Variants in RABGAP1 observed in about 807,000 individuals in gnomAD.
The protein encoded by RABGAP1 is rab GTPase-activating protein 1.
In RABGAP1, 23 loss-of-function variants were observed where a neutral mutation model predicts 137.6. That is an observed-to-expected ratio of 0.17 (90% CI 0.12 to 0.24). The LOEUF is 0.24. Among genes scored for constraint, RABGAP1 ranks in the 10% least tolerant of loss-of-function variants. The probability of loss-of-function intolerance (pLI) is 1.00; values close to 1 mark genes in which losing one functional copy is unlikely to be tolerated. For synonymous variants in RABGAP1, 451 were observed against 450.7 expected (o/e 1.00, Z -0.01); for missense variants, 906 against 1,275.8 (o/e 0.71, Z 4.42).
At chr9:123,101,508 C>T (rs1321946825) in intron 24 of RABGAP1, 58 bp from the exon 25 acceptor site, 3 of 1,504,644 alleles carry the variant, frequency 2.0e-6, no homozygotes, top group Non-Finnish European at 2.7e-6. Context: ...GATGCTCACA[C>T]CATCCTAAAG....
intron 17 of RABGAP1, 56 bp from the exon 18 acceptor site, chr9:123,076,189 G>C: frequency 6.5e-7 from 1 of 1,547,222 alleles, no homozygotes; most frequent in South Asian, 1.1e-5. Context: ...AGGACAAATA[G>C]CATAATAGTC....
intron 1 of RABGAP1, among the ~76,000 whole-genome samples, chr9:122,942,850 A>G (rs1283751967): frequency 6.6e-6 from 1 of 151,996 alleles, no homozygotes; most frequent in Non-Finnish European, 1.5e-5. Context: ...ATTCATAATT[A>G]AAGTTGAAAT....
intron 1 of RABGAP1, among the ~76,000 whole-genome samples, chr9:122,943,568 A>C (rs1222898421): frequency 6.6e-6 from 1 of 152,176 alleles, no homozygotes; most frequent in African/African-American, 2.4e-5. Flanking sequence ...TCTGCTGCAT[A>C]TTGAGAGAAC....
At chr9:123,012,541 C>A (rs1019079019) in intron 11 of RABGAP1, among the ~76,000 whole-genome samples, 1 of 152,136 alleles carries the variant, frequency 6.6e-6, no homozygotes, top group East Asian at 1.9e-4. Context: ...AGCAGACATA[C>A]CTTTTTTAAA....
the RABGAP1 span, among the ~76,000 whole-genome samples, chr9:122,932,031 T>C: frequency 6.6e-6 from 1 of 152,196 alleles, no homozygotes; most frequent in Non-Finnish European, 1.5e-5. Flanking sequence ...CGTTACCTAC[T>C]TCATGCTGAC....
At chr9:122,943,213 G>C (rs929707694) in intron 1 of RABGAP1, among the ~76,000 whole-genome samples, 8 of 151,124 alleles carry the variant, frequency 5.3e-5, no homozygotes, top group Admixed American at 5.3e-4. Flanking sequence ...GATTACAGGC[G>C]TGTGCCACCA....
intron 21 of RABGAP1, among the ~76,000 whole-genome samples, chr9:123,095,478 T>C (rs2035155199): frequency 6.6e-6 from 1 of 152,108 alleles, no homozygotes; most frequent in Non-Finnish European, 1.5e-5. Context: ...AGCAGGAAGA[T>C]TGCTTGAGCC....
At chr9:123,054,450 A>G (rs1287018637) in intron 13 of RABGAP1, among the ~76,000 whole-genome samples, 2 of 152,208 alleles carry the variant, frequency 1.3e-5, no homozygotes, top group African/African-American at 4.8e-5. Context: ...CTTTATTTTC[A>G]AGAACAGTTT....
Position 123,087,994 on chromosome 9 carries a change from G to T in RABGAP1, c.2425-1764G>T, listed in dbSNP as rs1042814048. On this transcript the variant is annotated intron_variant, in intron 19 of 25. Coordinates refer to ENST00000373647, the MANE Select transcript of RABGAP1 (RefSeq NM_012197.4). Reference sequence around the variant, plus strand: ...GGCAGATTTCCACGTCAGCACTTTAGTGCTGATTACTGAAGTTTCAGGAAG... The same window carrying T: ...GGCAGATTTCCACGTCAGCACTTTATTGCTGATTACTGAAGTTTCAGGAAG... Among the ~76,000 whole-genome samples, 19 of 152,044 alleles carry T rather than the reference G, an allele frequency of 1.2e-4. 1 individual carries two copies.
chr9:122,998,873 ATATAT>A (rs150917110), intron 10 of RABGAP1, 107 bp downstream of exon 10: 7,765 of 616,738 alleles, frequency 0.013, 75 homozygotes, highest in Non-Finnish European at 0.016. Context: ...TGTATTTTAA[ATATAT>A]TAAGAGGAAA....
At chr9:123,035,440 C>G in intron 13 of RABGAP1, 2 of 1,614,198 alleles carry the variant, frequency 1.2e-6, no homozygotes, top group South Asian at 2.2e-5. Context: ...GACCACCTGG[C>G]TTGCTATTAG....
chr9:123,066,683 C>A (rs748110938), intron 14 of RABGAP1, among the ~76,000 whole-genome samples: 4 of 152,148 alleles, frequency 2.6e-5, no homozygotes, highest in African/African-American at 4.8e-5. Context: ...CCTTCTACCC[C>A]CAAAGCTTCA....
In RABGAP1 at chr9:123,022,086, T is replaced by G. The variant is rs148060067; in HGVS notation, c.1794+1627T>G. On this transcript the variant is annotated intron_variant, in intron 13 of 25. Coordinates refer to ENST00000373647, the MANE Select transcript of RABGAP1 (RefSeq NM_012197.4). ...GATACACCTAGTTTTTATTTTCTTTTGTTGGCAAATCATATTTTGGATTTG... is the reference window on the plus strand; with the variant it reads ...GATACACCTAGTTTTTATTTTCTTTGGTTGGCAAATCATATTTTGGATTTG... 3.5e-3 allele frequency among the ~76,000 whole-genome samples: 527 copies of G among 152,380 alleles called. 1 individual carries two copies. Among genetic ancestry groups the G allele is most frequent in the Middle Eastern group, 6.8e-3 (2 of 294 alleles).
chr9:123,070,211 C>T lies in RABGAP1; in HGVS notation c.1909-139C>T. 2 of 1,436,714 alleles carry T rather than the reference C, an allele frequency of 1.4e-6. No homozygotes were observed. Among genetic ancestry groups the T allele is most frequent in the South Asian group, 3.0e-5 (2 of 66,874 alleles). The allele number at this position is 1,436,714 out of a possible 1,614,324, so 89.0% of individuals were successfully genotyped here. A position where few individuals can be genotyped will look rare whatever the true frequency, so the allele number is the denominator to read the frequency against. On this transcript the variant is annotated intron_variant, in intron 14 of 25. Coordinates refer to ENST00000373647, the MANE Select transcript of RABGAP1 (RefSeq NM_012197.4). The surrounding 1 kb of genome is among the most constrained non-coding windows in gnomAD (Gnocchi z 4.4). ...AGTTAAGATTGGAGAGAAGTATTGG[C>T]ACCACTTACTGTCTGTCAAAATGCT...
rs1280508063 is a variant in RABGAP1 at position 123,070,091 on chromosome 9, G to A, written c.1909-259G>A. Among the ~76,000 whole-genome samples, 1 of 151,854 alleles carries A rather than the reference G, an allele frequency of 6.6e-6. No homozygotes were observed. The highest frequency in any genetic ancestry group is 1.5e-5 in the Non-Finnish European group (1 of 67,940). Reference sequence around the variant, plus strand: ...ATGAACAACAACAAGGAAATACGAAGTTTTTTTTAGCGCAGAAGTGGTTTT... The same window carrying A: ...ATGAACAACAACAAGGAAATACGAAATTTTTTTTAGCGCAGAAGTGGTTTT... On this transcript the variant is annotated intron_variant, in intron 14 of 25. Transcript: ENST00000373647. The surrounding 1 kb of genome is among the most constrained non-coding windows in gnomAD (Gnocchi z 4.4).
At chr9:123,094,692 TC>T (rs985496444) in intron 21 of RABGAP1, among the ~76,000 whole-genome samples, 6 of 152,198 alleles carry the variant, frequency 3.9e-5, no homozygotes, top group African/African-American at 1.4e-4. Flanking sequence ...CCTCTTGTTT[TC>T]TTGAGGACTT....
chr9:122,984,456 T>C, intron 2 of RABGAP1, 29 bp from the exon 3 acceptor site: 1 of 1,583,594 alleles, frequency 6.3e-7, no homozygotes, highest in Non-Finnish European at 8.6e-7. Context: ...TTTGTCACTT[T>C]GCTGATTGCA....
intron 14 of RABGAP1, among the ~76,000 whole-genome samples, chr9:123,068,319 C>T (rs1393932293): frequency 2.7e-5 from 4 of 147,610 alleles, no homozygotes. Flanking sequence ...CACTGCATTC[C>T]ACCTCGGGTG....
In RABGAP1 at chr9:123,070,716, C is replaced by T. The variant is rs984628249; in HGVS notation, c.1983+292C>T. 2.6e-5 allele frequency among the ~76,000 whole-genome samples: 4 copies of T among 152,148 alleles called. No homozygotes were observed. The highest frequency in any genetic ancestry group is 9.7e-5 in the African/African-American group (4 of 41,428). ...TGAACTCTTGGGGACGTTTTATCTT[C>T]TCTAAAGTAGCCGCTGTCATTAATA... is the stretch of plus-strand genomic sequence containing the variant. On this transcript the variant is annotated intron_variant, in intron 15 of 25. Transcript: ENST00000373647. The surrounding 1 kb of genome is among the most constrained non-coding windows in gnomAD (Gnocchi z 4.4).
Sources: allele counts gnomAD v4.1 joint callset (sites outside exome capture counted in the v4.1 genomes callset), GRCh38; gene constraint gnomAD v4.1.1; non-coding constraint Gnocchi (gnomAD v3.1); transcripts MANE v1.5; gene names NCBI Gene and HGNC (gene_info 2026-07-23, HGNC 2026-07-21).